Variants in DPYD observed in about 807,000 individuals in gnomAD.
DPYD encodes the protein dihydropyrimidine dehydrogenase [NADP(+)].
In DPYD, 109 loss-of-function variants were observed where a neutral mutation model predicts 116.2. The observed-to-expected ratio is 0.94, with a 90% CI of 0.80 to 1.10. The LOEUF (loss-of-function observed/expected upper bound fraction) is 1.10, where lower values mean the gene tolerates loss of function less well. Ranked by LOEUF, DPYD falls within the 50% of genes least tolerant of loss-of-function variation. The pLI, the probability that DPYD is intolerant of heterozygous loss-of-function variation, is 0.00. For missense variants in DPYD, 1,302 were observed against 1,254.5 expected (o/e 1.04, Z -0.57); for synonymous variants, 440 against 432.0 (o/e 1.02, Z -0.23).
At chr1:97,615,391 CCAACAGTGGGGTGAT>C (rs1656203260) in intron 8 of DPYD, among the ~76,000 whole-genome samples, 1 of 152,024 alleles carries the variant, frequency 6.6e-6, no homozygotes, top group Non-Finnish European at 1.5e-5. Flanking sequence ...TCTATGCTGA[CCAACAGTGGGGTGAT>C]TCTGACCTTC....
chr1:97,719,352 A>T (rs12726496), intron 5 of DPYD, among the ~76,000 whole-genome samples: 3 of 152,002 alleles, frequency 2.0e-5, no homozygotes, highest in Non-Finnish European at 4.4e-5. Flanking sequence ...AAAATCACTT[A>T]TAAGTCACAG....
intron 20 of DPYD, among the ~76,000 whole-genome samples, chr1:97,113,849 C>T (rs114316291): frequency 0.012 from 1,793 of 151,916 alleles, 40 homozygotes; most frequent in African/African-American, 0.041. Context: ...GGTAACTTGA[C>T]GATATAATCA....
At chr1:97,633,734 T>C (rs1571097338) in intron 8 of DPYD, among the ~76,000 whole-genome samples, 1 of 152,060 alleles carries the variant, frequency 6.6e-6, no homozygotes, top group Non-Finnish European at 1.5e-5. Flanking sequence ...GAAATTCAAG[T>C]GGTTAGATTC....
intron 20 of DPYD, among the ~76,000 whole-genome samples, chr1:97,111,618 C>T (rs1651606104): frequency 6.6e-6 from 1 of 152,036 alleles, no homozygotes; most frequent in Non-Finnish European, 1.5e-5. Flanking sequence ...CCTTTCAAAT[C>T]ACACTCTTCA....
chr1:97,528,169 T>G (rs1649292986), intron 12 of DPYD, among the ~76,000 whole-genome samples: 1 of 152,144 alleles, frequency 6.6e-6, no homozygotes, highest in Non-Finnish European at 1.5e-5. Context: ...AGGGTAAAAA[T>G]TAATTTGGAT....
chr1:97,125,032 G>C (rs1395385471), intron 20 of DPYD, among the ~76,000 whole-genome samples: 1 of 152,056 alleles, frequency 6.6e-6, no homozygotes, highest in Non-Finnish European at 1.5e-5. Flanking sequence ...TCTTTTTTTA[G>C]AATGTTAATT....
chr1:97,592,948 G>A (rs1398835005), intron 10 of DPYD, among the ~76,000 whole-genome samples: 1 of 152,110 alleles, frequency 6.6e-6, no homozygotes, highest in Non-Finnish European at 1.5e-5. Context: ...ATTGTTACTA[G>A]TTACATAGAA....
intron 3 of DPYD, among the ~76,000 whole-genome samples, chr1:97,822,108 C>T (rs1470770558): frequency 6.6e-6 from 1 of 151,162 alleles, no homozygotes; most frequent in South Asian, 2.1e-4. Context: ...AAAGCATACG[C>T]CTCAAAAAAT....
At chr1:97,564,129 C>T (rs1301357246) in intron 11 of DPYD, among the ~76,000 whole-genome samples, 2 of 152,126 alleles carry the variant, frequency 1.3e-5, no homozygotes, top group African/African-American at 2.4e-5. Context: ...ATTTCGCAAT[C>T]GGTACACAGG....
chr1:97,199,557 T>A (rs1378706650), intron 19 of DPYD, among the ~76,000 whole-genome samples: 5 of 152,100 alleles, frequency 3.3e-5, no homozygotes, highest in African/African-American at 1.2e-4. Context: ...ATAATTTTTT[T>A]AATGTAATAC....
At chr1:97,338,614 A>C (rs1260526748) in intron 16 of DPYD, among the ~76,000 whole-genome samples, 2 of 152,086 alleles carry the variant, frequency 1.3e-5, no homozygotes, top group African/African-American at 4.8e-5. Flanking sequence ...GGTAGGACAA[A>C]ATGCTACAAG....
chr1:97,350,036 A>G (rs1393253993), intron 16 of DPYD, among the ~76,000 whole-genome samples: 1 of 152,100 alleles, frequency 6.6e-6, no homozygotes, highest in Non-Finnish European at 1.5e-5. Context: ...CAGAAAGACA[A>G]AGTTAATTTT....
intron 2 of DPYD, among the ~76,000 whole-genome samples, chr1:97,838,118 T>C (rs1308042470): frequency 6.6e-6 from 1 of 152,196 alleles, no homozygotes; most frequent in Non-Finnish European, 1.5e-5. Flanking sequence ...ACCAGAAATA[T>C]AATTTTTATG....
chr1:97,678,584 A>G lies in DPYD; in HGVS notation c.850+511T>C, dbSNP rs373981749. Among the ~76,000 whole-genome samples, 9 of 152,334 alleles carry G rather than the reference A, an allele frequency of 5.9e-5. No homozygotes were observed. The East Asian group carries it at 1.7e-3, about 29-fold the overall frequency. ...ATATTTAGGCAAAATATGAGAAAAC[A>G]GTATACAGTGAGTGCCTCAGGAGTA... is the stretch of plus-strand genomic sequence containing the variant. On this transcript the variant is annotated intron_variant, in intron 8 of 22. Coordinates refer to ENST00000370192, the MANE Select transcript of DPYD (RefSeq NM_000110.4).
intron 15 of DPYD, among the ~76,000 whole-genome samples, chr1:97,376,414 A>T (rs182133078): frequency 6.6e-6 from 1 of 152,304 alleles, no homozygotes; most frequent in African/African-American, 2.4e-5. Context: ...AATTTCCCCA[A>T]CATTATACAC....
intron 13 of DPYD, among the ~76,000 whole-genome samples, chr1:97,481,089 G>A (rs1319705198): frequency 6.6e-6 from 1 of 152,154 alleles, no homozygotes; most frequent in Non-Finnish European, 1.5e-5. Flanking sequence ...TCCTTAAAAT[G>A]ATAAAGGCAA....
chr1:97,864,976 T>C (rs1671299718), intron 2 of DPYD, among the ~76,000 whole-genome samples: 1 of 151,934 alleles, frequency 6.6e-6, no homozygotes, highest in South Asian at 2.1e-4. Context: ...CTAGTTGTAA[T>C]AACATACTTT....
chr1:97,273,162 C>T (rs890133567), intron 18 of DPYD, among the ~76,000 whole-genome samples: 1 of 152,044 alleles, frequency 6.6e-6, no homozygotes, highest in African/African-American at 2.4e-5. Flanking sequence ...TTATGACATA[C>T]AATTTTCAAA....
chr1:97,185,662 T>C (rs1644701201), intron 20 of DPYD, among the ~76,000 whole-genome samples: 1 of 152,166 alleles, frequency 6.6e-6, no homozygotes, highest in African/African-American at 2.4e-5. Context: ...CCTACAATAA[T>C]ATGAAAAAAT....
Sources: gnomAD v4.1 joint callset for allele counts (sites outside exome capture counted in the v4.1 genomes callset) on GRCh38, gnomAD v4.1.1 for gene constraint, MANE v1.5 for transcripts, NCBI Gene and HGNC (gene_info 2026-07-23, HGNC 2026-07-21) for gene names.